Variants in NOCT observed in about 807,000 individuals in gnomAD.
The protein encoded by NOCT is nocturnin, also known as CCR4 carbon catabolite repression 4-like.
NOCT carries 18 observed loss-of-function variants against 35.0 expected under a neutral mutation model. The ratio of observed to expected loss-of-function variants is 0.51; its 90% CI spans 0.36 to 0.76. NOCT has a LOEUF of 0.76. Among genes scored for constraint, NOCT ranks in the 30% least tolerant of loss-of-function variants. NOCT has a pLI of 0.01. For synonymous variants in NOCT, 235 were observed against 226.3 expected, an observed-to-expected ratio of 1.04 and a Z score of -0.34; for missense variants, 479 against 541.0, an observed-to-expected ratio of 0.89 and a Z score of 1.14.
chr4:139,042,988 G>A, intron 1 of NOCT, 86 bp from the exon 2 acceptor site: 1 of 1,241,604 alleles, frequency 8.1e-7, no homozygotes, highest in Non-Finnish European at 1.1e-6. Context: ...GGTTTCGGTG[G>A]ACAGTAAATG....
At chr4:139,039,014 C>T (rs1436467043) in intron 1 of NOCT, among the ~76,000 whole-genome samples, 1 of 151,870 alleles carries the variant, frequency 6.6e-6, no homozygotes, top group African/African-American at 2.4e-5. Context: ...TGTGTGTGTA[C>T]TTAACAACAC....
chr4:139,029,856 G>T (rs767433440), intron 1 of NOCT, among the ~76,000 whole-genome samples: 3 of 152,164 alleles, frequency 2.0e-5, no homozygotes, highest in Non-Finnish European at 2.9e-5. Flanking sequence ...TCTAGCTGAT[G>T]GGTGCGCACA....
intron 1 of NOCT, among the ~76,000 whole-genome samples, chr4:139,041,636 C>G (rs1439390087): frequency 1.3e-5 from 2 of 152,150 alleles, no homozygotes; most frequent in Admixed American, 1.3e-4. Flanking sequence ...AAAATTAACT[C>G]GGGAAGACAA....
intron 1 of NOCT, among the ~76,000 whole-genome samples, chr4:139,025,655 G>A (rs1001141335): frequency 1.3e-5 from 2 of 152,086 alleles, no homozygotes; most frequent in Non-Finnish European, 2.9e-5. Flanking sequence ...ACAAAAATTA[G>A]CCATGCGTGG....
intron 1 of NOCT, among the ~76,000 whole-genome samples, chr4:139,026,657 TCTC>T (rs1038812529): frequency 6.6e-6 from 1 of 151,158 alleles, no homozygotes; most frequent in African/African-American, 2.4e-5. Flanking sequence ...TTCAAGTTAT[TCTC>T]CTGCCTCAGC....
chr4:139,026,851 CTTTTTTTTTTCTTTTTTTT>C (rs1560730465), intron 1 of NOCT, among the ~76,000 whole-genome samples: 7 of 144,048 alleles, frequency 4.9e-5, no homozygotes, highest in African/African-American at 7.9e-5. Flanking sequence ...CATCCCTGGC[CTTTTTTTTTTCTTTTTTTT>C]TTTTTTTTTT....
At chr4:139,040,524 C>T (rs992205602) in intron 1 of NOCT, among the ~76,000 whole-genome samples, 4 of 152,152 alleles carry the variant, frequency 2.6e-5, no homozygotes, top group Non-Finnish European at 2.9e-5. Flanking sequence ...TCTGATTTCA[C>T]GTACTCCTCA....
chr4:139,017,065 A>G (rs192937787), intron 1 of NOCT, among the ~76,000 whole-genome samples: 52 of 147,370 alleles, frequency 3.5e-4, no homozygotes, highest in African/African-American at 1.3e-3. Flanking sequence ...TAGTTTCACC[A>G]AGAGCTGTTT....
chr4:139,026,126 G>A (rs1209740045), intron 1 of NOCT, among the ~76,000 whole-genome samples: 1 of 152,068 alleles, frequency 6.6e-6, no homozygotes, highest in Non-Finnish European at 1.5e-5. Flanking sequence ...TTTTTTAGAT[G>A]AGTCTTGCTC....
chr4:139,015,901 C>G lies in NOCT; in HGVS notation c.-81C>G, dbSNP rs575927987. The G allele has an allele frequency of 3.0e-4, 336 of 1,137,346 alleles. 1 individual carries two copies. Among genetic ancestry groups the G allele is most frequent in the Middle Eastern group, 2.7e-3 (8 of 2,964 alleles). 70.5% of individuals were successfully genotyped at this position (1,137,346 alleles called of 1,614,324 possible). On this transcript the variant is annotated 5_prime_UTR_variant, in exon 1 of 3. Coordinates refer to ENST00000280614, the MANE Select transcript of NOCT (RefSeq NM_012118.4). ...CATCCGCCCACACTGCCCGGACAGT[C>G]GGCTCGACTCGGTGCCCTCGGCCCC...
chr4:139,039,318 C>T (rs1388509492), intron 1 of NOCT, among the ~76,000 whole-genome samples: 2 of 151,468 alleles, frequency 1.3e-5, no homozygotes, highest in Non-Finnish European at 2.9e-5. Context: ...AAATATGTTA[C>T]TTCATTTTCT....
At chr4:139,042,955 A>G (rs1195351780) in intron 1 of NOCT, 119 bp from the exon 2 acceptor site, 17 of 892,388 alleles carry the variant, frequency 1.9e-5, no homozygotes, top group Non-Finnish European at 2.7e-5. Flanking sequence ...TTTATACACT[A>G]TTATGGCAAC....
intron 1 of NOCT, among the ~76,000 whole-genome samples, chr4:139,021,973 C>T (rs1342284890): frequency 6.6e-6 from 1 of 151,948 alleles, no homozygotes; most frequent in Non-Finnish European, 1.5e-5. Flanking sequence ...TGGTCAGGCT[C>T]CTCTCGAACT....
Position 139,043,255 on chromosome 4 carries a change from G to C in NOCT, c.372G>C (p.Arg124=). 1 of 1,614,148 alleles carries C rather than the reference G, an allele frequency of 6.2e-7. No homozygotes were observed. The highest frequency in any genetic ancestry group is 8.5e-7 in the Non-Finnish European group (1 of 1,180,020). The change falls in exon 2 of 3, where the codon CGG becomes CGC. Residue 124 remains arginine, a synonymous_variant. Transcript: ENST00000280614. The part of the protein sequence containing the change: ...CRAVLHTRPP[R]FQRDFVDLRT... The stretch of plus-strand genomic sequence containing the variant: ...CCGTCCTGCACACCCGACCTCCCCG[G>C]TTCCAGAGGGATTTTGTGGATCTGA...
chr4:139,015,903 G>A lies in NOCT; in HGVS notation c.-79G>A. ...TCCGCCCACACTGCCCGGACAGTCGGCTCGACTCGGTGCCCTCGGCCCCAG... is the reference window on the plus strand; with the variant it reads ...TCCGCCCACACTGCCCGGACAGTCGACTCGACTCGGTGCCCTCGGCCCCAG... On this transcript the variant is annotated 5_prime_UTR_variant, in exon 1 of 3. Coordinates refer to ENST00000280614, the MANE Select transcript of NOCT (RefSeq NM_012118.4). The A allele has an allele frequency of 1.7e-6, 2 of 1,154,918 alleles. No homozygotes were observed. The highest frequency in any genetic ancestry group is 2.2e-6 in the Non-Finnish European group (2 of 906,280). 71.5% of individuals were successfully genotyped at this position (1,154,918 alleles called of 1,614,324 possible).
Position 139,016,041 on chromosome 4 carries a change from G to A in NOCT, c.60G>A (p.Leu20=). Residue 20 remains leucine (L), a synonymous_variant, in exon 1 of 3, where the codon CTG becomes CTA. Coordinates refer to ENST00000280614, the MANE Select transcript of NOCT (RefSeq NM_012118.4). ...TGCTGCAGAGGGACGCGCCCGGCCT[G>A]CGCCGCCTGCCCGCCCCAGGGCTGC... is the stretch of plus-strand genomic sequence containing the variant. The part of the protein sequence containing the change: ...SALLQRDAPG[L]RRLPAPGLRR... 7.2e-7 allele frequency: 1 copy of A among 1,391,392 alleles called. No individual in the cohort carries two copies. Among genetic ancestry groups the A allele is most frequent in the Non-Finnish European group, 9.3e-7 (1 of 1,071,856 alleles). The allele number at this position is 1,391,392 out of a possible 1,614,324, so 86.2% of individuals were successfully genotyped here.
At chr4:139,021,983 T>G (rs1279255456) in intron 1 of NOCT, among the ~76,000 whole-genome samples, 2 of 152,098 alleles carry the variant, frequency 1.3e-5, no homozygotes, top group Non-Finnish European at 1.5e-5. Context: ...CCTCTCGAAC[T>G]CCTGACCTCA....
At chr4:139,020,909 GA>G (rs901189822) in intron 1 of NOCT, among the ~76,000 whole-genome samples, 20 of 151,128 alleles carry the variant, frequency 1.3e-4, no homozygotes, top group African/African-American at 4.9e-4. Context: ...ACTTACATTA[GA>G]AAAAAAATAG....
At chr4:139,019,845 A>G (rs2148641865) in intron 1 of NOCT, among the ~76,000 whole-genome samples, 1 of 152,310 alleles carries the variant, frequency 6.6e-6, no homozygotes, top group Middle Eastern at 3.4e-3. Context: ...GGATTTATAA[A>G]TGCTATCCTC....
Sources: allele counts gnomAD v4.1 joint callset (sites outside exome capture counted in the v4.1 genomes callset), GRCh38; gene constraint gnomAD v4.1.1; transcripts MANE v1.5; gene names NCBI Gene and HGNC (gene_info 2026-07-23, HGNC 2026-07-21).